The following ABHD17B variants were observed in gnomAD, a reference collection of about 807,000 sequenced individuals.
ABHD17B encodes the protein alpha/beta hydrolase domain-containing protein 17B.
In ABHD17B, 9 loss-of-function variants were observed where a neutral mutation model predicts 26.2. The ratio of observed to expected loss-of-function variants is 0.34; its 90% CI spans 0.21 to 0.60. The LOEUF (loss-of-function observed/expected upper bound fraction) is 0.60. Among genes scored for constraint, ABHD17B ranks in the 20% least tolerant of loss-of-function variants. ABHD17B has a pLI of 0.80. For synonymous variants in ABHD17B, 127 were observed against 122.3 expected, an observed-to-expected ratio of 1.04 and a Z score of -0.25; for missense variants, 224 against 352.1, an observed-to-expected ratio of 0.64 and a Z score of 2.91.
chr9:71,865,799 T>C lies in ABHD17B; in HGVS notation c.*988A>G. The C allele has an allele frequency of 1.2e-6, 1 of 807,756 alleles. No homozygotes were observed. Among genetic ancestry groups the C allele is most frequent in the African/African-American group, 1.9e-5 (1 of 53,604 alleles). The allele number at this position is 807,756 out of a possible 1,614,324, so 50.0% of individuals were successfully genotyped here. A position where few individuals can be genotyped will look rare whatever the true frequency, so the allele number is the denominator to read the frequency against. ...TCACTTGATCCCGGGAGGCAGAGGT[T>C]GCAGTGAATCAAGATCGCGCCACTG... On this transcript the variant is annotated 3_prime_UTR_variant, in exon 4 of 4. Coordinates refer to ENST00000333421, the MANE Select transcript of ABHD17B (RefSeq NM_001025780.3).
intron 3 of ABHD17B, among the ~76,000 whole-genome samples, chr9:71,868,051 A>C (rs11143024): frequency 5.1e-5 from 2 of 38,874 alleles, no homozygotes; most frequent in South Asian, 4.9e-3. Flanking sequence ...TACTAAAAAT[A>C]CAAAAAAAAA....
chr9:71,903,405 A>G (rs1827198686), intron 1 of ABHD17B, among the ~76,000 whole-genome samples: 2 of 152,206 alleles, frequency 1.3e-5, no homozygotes, highest in African/African-American at 4.8e-5. Flanking sequence ...CCATGTTAAC[A>G]CTATTGAAGA....
Position 71,868,226 on chromosome 9 carries a change from A to AAAAG in ABHD17B, c.648-1224_648-1221dup, listed in dbSNP as rs539115154. ...GCAGCGAGACTCTGTCTCAGAAAAA[A>AAAAG]AAAGAAAGAAAGAAAGAAAGAAAGA... On this transcript the variant is annotated intron_variant, in intron 3 of 3. Transcript: ENST00000333421. Among the ~76,000 whole-genome samples the AAAAG allele has an allele frequency of 4.6e-4, 70 of 152,050 alleles. 1 individual carries two copies. The highest frequency in any genetic ancestry group is 1.2e-3 in the South Asian group (6 of 4,810).
intron 1 of ABHD17B, among the ~76,000 whole-genome samples, chr9:71,890,040 C>A (rs1414886477): frequency 1.2e-4 from 18 of 151,946 alleles, no homozygotes; most frequent in Non-Finnish European, 2.4e-4. Flanking sequence ...GCAGGTCGAT[C>A]ACTTGAGGTC....
At chr9:71,864,439 T>C (rs190886504), downstream of ABHD17B, among the ~76,000 whole-genome samples, 566 of 152,046 alleles carry the variant, frequency 3.7e-3, 3 homozygotes, top group Middle Eastern at 0.014. Context: ...CAGGATGGTC[T>C]CGATCTCCTG....
chr9:71,878,101 G>A (rs1489825143), intron 1 of ABHD17B, among the ~76,000 whole-genome samples: 2 of 151,702 alleles, frequency 1.3e-5, no homozygotes, highest in Non-Finnish European at 2.9e-5. Context: ...TTAGTATAGT[G>A]TGAGCAAGTT....
At chr9:71,884,949 G>C (rs191904343) in intron 1 of ABHD17B, among the ~76,000 whole-genome samples, 536 of 152,176 alleles carry the variant, frequency 3.5e-3, no homozygotes, top group African/African-American at 0.012. Context: ...CTATTACTTA[G>C]GTTTTTCATA....
intron 1 of ABHD17B, among the ~76,000 whole-genome samples, chr9:71,901,185 T>G (rs1827128113): frequency 1.3e-5 from 2 of 151,910 alleles, no homozygotes; most frequent in Admixed American, 6.5e-5. Flanking sequence ...TTTTTTTTTT[T>G]GCATGTATCT....
rs1487510187 is a variant in ABHD17B, at chr9:71,865,815, C to A, written c.*972G>T. On this transcript the variant is annotated 3_prime_UTR_variant, in exon 4 of 4. Coordinates refer to ENST00000333421, the MANE Select transcript of ABHD17B (RefSeq NM_001025780.3). ...GGCAGAGGTTGCAGTGAATCAAGAT[C>A]GCGCCACTGCACTCCAGCCTCAGTG... 15 of 887,714 alleles carry A rather than the reference C, an allele frequency of 1.7e-5. No homozygotes were observed. The highest frequency in any genetic ancestry group is 2.0e-5 in the Non-Finnish European group (15 of 741,224). 55.0% of individuals were successfully genotyped at this position (887,714 alleles called of 1,614,324 possible).
chr9:71,882,837 T>G (rs1826487819), intron 1 of ABHD17B, among the ~76,000 whole-genome samples: 1 of 151,900 alleles, frequency 6.6e-6, no homozygotes, highest in Non-Finnish European at 1.5e-5. Flanking sequence ...TCTGTGAAAA[T>G]TCTGTGAATA....
intron 1 of ABHD17B, among the ~76,000 whole-genome samples, chr9:71,893,463 T>C (rs1046436253): frequency 1.3e-5 from 2 of 152,184 alleles, no homozygotes; most frequent in African/African-American, 4.8e-5. Context: ...TTTACCAGTT[T>C]ATTATAAAGG....
At chr9:71,882,707 TA>T (rs1229227454) in intron 1 of ABHD17B, among the ~76,000 whole-genome samples, 1 of 150,708 alleles carries the variant, frequency 6.6e-6, no homozygotes, top group African/African-American at 2.4e-5. Flanking sequence ...GTAGTATATA[TA>T]TCCATAAAAT....
At chr9:71,906,239 T>C (rs1337996395) in intron 1 of ABHD17B, among the ~76,000 whole-genome samples, 1 of 152,196 alleles carries the variant, frequency 6.6e-6, no homozygotes, top group Admixed American at 6.5e-5. Context: ...TGATTTGTTA[T>C]GAATGCAATC....
intron 1 of ABHD17B, among the ~76,000 whole-genome samples, chr9:71,909,809 T>A (rs1486991213): frequency 6.6e-6 from 1 of 152,138 alleles, no homozygotes; most frequent in African/African-American, 2.4e-5. Flanking sequence ...ACTTAAAGCA[T>A]CATTTACAAA....
At chr9:71,896,405 T>A (rs1161863043) in intron 1 of ABHD17B, among the ~76,000 whole-genome samples, 1 of 152,208 alleles carries the variant, frequency 6.6e-6, no homozygotes, top group East Asian at 1.9e-4. Context: ...TTAAGGAATA[T>A]CCCTAGTTCT....
downstream of ABHD17B, chr9:71,865,019 A>C (rs1177355006): frequency 3.4e-6 from 1 of 291,950 alleles, no homozygotes; most frequent in African/African-American, 2.3e-5. Context: ...TTGAGAAAGA[A>C]AGACCTCTCC....
chr9:71,904,323 T>G (rs1827223306), intron 1 of ABHD17B, among the ~76,000 whole-genome samples: 1 of 152,206 alleles, frequency 6.6e-6, no homozygotes. Flanking sequence ...TGGTACCCAG[T>G]GAACACTGGC....
intron 1 of ABHD17B, among the ~76,000 whole-genome samples, chr9:71,891,881 T>C (rs990653298): frequency 6.6e-6 from 1 of 152,188 alleles, no homozygotes. Flanking sequence ...GGTCCAATAA[T>C]GTAATTAAAA....
rs1422371195 is a variant in ABHD17B, at chr9:71,873,098, G to A, written c.467+1516C>T. 2.0e-5 allele frequency among the ~76,000 whole-genome samples: 3 copies of A among 151,698 alleles called. No individual in the cohort carries two copies. In the East Asian group the frequency reaches 5.8e-4, roughly 29 times the overall value. ...TCTTTAATATTTAAACATTAAATTAGAAACAGTAAGTTTTCTTTATATCCT... is the reference window on the plus strand; with the variant it reads ...TCTTTAATATTTAAACATTAAATTAAAAACAGTAAGTTTTCTTTATATCCT... On this transcript the variant is annotated intron_variant, in intron 2 of 3. Coordinates refer to ENST00000333421, the MANE Select transcript of ABHD17B (RefSeq NM_001025780.3).
Sources: gnomAD v4.1 joint callset for allele counts (sites outside exome capture counted in the v4.1 genomes callset) on GRCh38, gnomAD v4.1.1 for gene constraint, MANE v1.5 for transcripts, NCBI Gene and HGNC (gene_info 2026-07-23, HGNC 2026-07-21) for gene names.